The following ATP11A variants were observed in gnomAD, a reference collection of about 807,000 sequenced individuals.
The protein encoded by ATP11A is phospholipid-transporting ATPase IH.
Under a neutral mutation model 154.4 loss-of-function variants are expected in ATP11A, and 81 were observed. The ratio of observed to expected loss-of-function variants is 0.52; its 90% CI spans 0.44 to 0.63. ATP11A has a LOEUF of 0.63. Ranked by LOEUF, ATP11A falls within the 30% of genes least tolerant of loss-of-function variation. ATP11A has a pLI of 0.00. For missense variants in ATP11A, 1,316 were observed against 1,474.3 expected, an observed-to-expected ratio of 0.89 and a Z score of 1.76; for synonymous variants, 623 against 585.9, an observed-to-expected ratio of 1.06 and a Z score of -0.91.
At chr13:112,789,777 T>C (rs2077789195) in intron 2 of ATP11A, among the ~76,000 whole-genome samples, 1 of 150,492 alleles carries the variant, frequency 6.6e-6, no homozygotes, top group South Asian at 2.1e-4. Flanking sequence ...ACACCGGGTG[T>C]CCTGATGTGT....
chr13:112,700,910 C>T (rs1162743885), intron 1 of ATP11A, among the ~76,000 whole-genome samples: 2 of 152,346 alleles, frequency 1.3e-5, no homozygotes, highest in South Asian at 2.1e-4. Context: ...TCTCCACGTG[C>T]GTGGGCTTGG....
At chr13:112,821,642 A>G (rs1435813376) in intron 8 of ATP11A, among the ~76,000 whole-genome samples, 4 of 152,200 alleles carry the variant, frequency 2.6e-5, no homozygotes, top group Admixed American at 6.5e-5. Context: ...ATGGTATTCC[A>G]TAGACTTTTA....
intron 1 of ATP11A, among the ~76,000 whole-genome samples, chr13:112,731,897 G>A (rs1200008399): frequency 6.7e-6 from 1 of 149,206 alleles, no homozygotes; most frequent in African/African-American, 2.5e-5. Flanking sequence ...AGTCCCAGCA[G>A]TGTGTGGGGT....
chr13:112,821,217 A>G (rs950457049), intron 8 of ATP11A, among the ~76,000 whole-genome samples: 27 of 152,196 alleles, frequency 1.8e-4, no homozygotes, highest in African/African-American at 5.5e-4. Context: ...TTTCATCTTT[A>G]TAGTTAGACC....
intron 1 of ATP11A, among the ~76,000 whole-genome samples, chr13:112,710,939 G>T (rs893963859): frequency 3.3e-5 from 5 of 151,468 alleles, no homozygotes; most frequent in African/African-American, 1.2e-4. Context: ...AGAGCGGAGG[G>T]CAGGGCCCCT....
chr13:112,881,720 G>T (rs949990763), intron 29 of ATP11A, 156 bp from the exon 30 acceptor site: 60 of 1,303,220 alleles, frequency 4.6e-5, no homozygotes, highest in Non-Finnish European at 5.9e-5. Flanking sequence ...CCTGCAGGAG[G>T]CGATGGTAGT....
At position 112,816,173 on chromosome 13, in the gene ATP11A, G is replaced by A. The variant is rs1250720516; in HGVS notation, c.532G>A (p.Val178Ile). The change falls in exon 6 of 30, where the codon GTC becomes ATC. Residue 178 changes from valine (V) to isoleucine (I), a missense_variant. Val to Ile is a conservative substitution (Grantham distance 29). Transcript: ENST00000375645. ...SSNRGDGTCH[V>I]TTASLDGESS... ...CAACCGGGGAGATGGGACGTGCCAC[G>A]TCACCACCGCCAGCTTGGATGGAGA... 9.3e-6 allele frequency: 15 copies of A among 1,614,018 alleles called. No individual in the cohort carries two copies. Among genetic ancestry groups the A allele is most frequent in the African/African-American group, 4.0e-5 (3 of 74,912 alleles).
At chr13:112,794,051 G>T (rs966291066) in intron 2 of ATP11A, among the ~76,000 whole-genome samples, 16 of 152,330 alleles carry the variant, frequency 1.1e-4, no homozygotes, top group African/African-American at 3.8e-4. Context: ...CGAAAAGAAT[G>T]ACTGTCCCGT....
rs984694309 is a variant in ATP11A, at chr13:112,731,410, G to A, written c.39+40955G>A. Among the ~76,000 whole-genome samples, 8 of 151,842 alleles carry A rather than the reference G, an allele frequency of 5.3e-5. No homozygotes were observed. The South Asian group carries it at 6.2e-4, about 12-fold the overall frequency. On this transcript the variant is annotated intron_variant, in intron 1 of 29. Coordinates refer to ENST00000375645, the MANE Select transcript of ATP11A (RefSeq NM_015205.3). ...GTATCAGAACTCCCTTGATGACTGC[G>A]CCACACACTTCATTCCCACTCCATT...
At chr13:112,710,117 T>C (rs1887573403) in intron 1 of ATP11A, among the ~76,000 whole-genome samples, 1 of 152,128 alleles carries the variant, frequency 6.6e-6, no homozygotes, top group Non-Finnish European at 1.5e-5. Context: ...GCATCCACAT[T>C]CCCTCAGCAT....
At chr13:112,850,171 C>T (rs1423270589) in intron 17 of ATP11A, among the ~76,000 whole-genome samples, 2 of 152,124 alleles carry the variant, frequency 1.3e-5, no homozygotes, top group Non-Finnish European at 2.9e-5. Context: ...TCTCATAGAA[C>T]GGAAAACATT....
intron 6 of ATP11A, 129 bp from the exon 7 acceptor site, chr13:112,819,175 C>A: frequency 2.6e-6 from 2 of 756,050 alleles, no homozygotes; most frequent in Non-Finnish European, 4.5e-6. Flanking sequence ...CCTTATCTTT[C>A]TGTAACTATT....
intron 16 of ATP11A, among the ~76,000 whole-genome samples, chr13:112,837,385 G>A (rs980652706): frequency 5.3e-5 from 8 of 152,308 alleles, no homozygotes; most frequent in Middle Eastern, 3.4e-3. Context: ...CCATAGCAGC[G>A]TGCAGGACAT....
intron 28 of ATP11A, among the ~76,000 whole-genome samples, chr13:112,876,463 C>T (rs2080728199): frequency 2.0e-5 from 3 of 152,116 alleles, no homozygotes; most frequent in African/African-American, 7.2e-5. Context: ...AGCTCCCGGT[C>T]CCCCATCCTT....
At chr13:112,732,908 T>C (rs428853) in intron 1 of ATP11A, among the ~76,000 whole-genome samples, 36,397 of 152,184 alleles carry the variant, frequency 0.24, 5,797 homozygotes, top group African/African-American at 0.45. Flanking sequence ...TCACTGCACC[T>C]GGCCTCTGCC....
intron 17 of ATP11A, among the ~76,000 whole-genome samples, chr13:112,848,567 ACT>A (rs1346233618): frequency 1.3e-5 from 2 of 152,168 alleles, no homozygotes; most frequent in Non-Finnish European, 2.9e-5. Flanking sequence ...TAATCCTCTC[ACT>A]TAGAGCATCT....
intron 4 of ATP11A, 86 bp downstream of exon 4, chr13:112,806,379 T>TG: frequency 9.5e-7 from 1 of 1,047,404 alleles, no homozygotes; most frequent in African/African-American, 1.6e-5. Flanking sequence ...ATTGGTTTGT[T>TG]GTAGCTAGTT....
chr13:112,847,605 C>T (rs552944861), intron 17 of ATP11A, among the ~76,000 whole-genome samples: 1 of 152,312 alleles, frequency 6.6e-6, no homozygotes, highest in East Asian at 1.9e-4. Context: ...CTGTTCCATC[C>T]CATTTTCTCT....
At chr13:112,874,677 G>A (rs894352212) in intron 27 of ATP11A, among the ~76,000 whole-genome samples, 7 of 152,176 alleles carry the variant, frequency 4.6e-5, no homozygotes, top group South Asian at 2.1e-4. Flanking sequence ...GGATTCTCTC[G>A]TTCAGCCAGC....
Sources: allele counts gnomAD v4.1 joint callset (sites outside exome capture counted in the v4.1 genomes callset), GRCh38; gene constraint gnomAD v4.1.1; transcripts MANE v1.5; gene names NCBI Gene and HGNC (gene_info 2026-07-23, HGNC 2026-07-21).